The following TRERF1 variants were observed in gnomAD, a reference collection of about 807,000 sequenced individuals.
TRERF1 encodes transcriptional regulating factor 1.
Under a neutral mutation model 122.9 loss-of-function variants are expected in TRERF1, and 27 were observed. The ratio of observed to expected loss-of-function variants is 0.22; its 90% CI spans 0.16 to 0.30. The LOEUF is 0.30. Among genes scored for constraint, TRERF1 ranks in the 10% least tolerant of loss-of-function variants. The pLI, the probability that TRERF1 is intolerant of heterozygous loss-of-function variation, is 1.00. For missense variants in TRERF1, 1,248 were observed against 1,560.3 expected, an observed-to-expected ratio of 0.80 and a Z score of 3.37; for synonymous variants, 636 against 641.7, an observed-to-expected ratio of 0.99 and a Z score of 0.13.
At chr6:42,332,479 G>T (rs1337066962) in intron 3 of TRERF1, among the ~76,000 whole-genome samples, 1 of 152,232 alleles carries the variant, frequency 6.6e-6, no homozygotes, top group Non-Finnish European at 1.5e-5. Flanking sequence ...CCTCCCTGGG[G>T]TGCAAGCAAC....
At chr6:42,299,150 A>C (rs1272254670) in intron 4 of TRERF1, among the ~76,000 whole-genome samples, 1 of 133,156 alleles carries the variant, frequency 7.5e-6, no homozygotes, top group Non-Finnish European at 1.6e-5. Flanking sequence ...ATATATATAT[A>C]TCTAGCTAGC....
At chr6:42,273,923 C>A (rs755556918) in intron 4 of TRERF1, among the ~76,000 whole-genome samples, 1 of 152,222 alleles carries the variant, frequency 6.6e-6, no homozygotes, top group African/African-American at 2.4e-5. Context: ...GATAATTGAA[C>A]TTCTGTTGAC....
intron 3 of TRERF1, among the ~76,000 whole-genome samples, chr6:42,344,785 CAAAATG>C (rs1362708025): frequency 2.1e-4 from 32 of 152,182 alleles, no homozygotes; most frequent in Non-Finnish European, 3.8e-4. Context: ...ATGAAAACTG[CAAAATG>C]CACCCTACCC....
At chr6:42,320,367 A>G (rs76369636) in intron 3 of TRERF1, among the ~76,000 whole-genome samples, 7,590 of 152,188 alleles carry the variant, frequency 0.05, 295 homozygotes, top group East Asian at 0.19. Context: ...TCTTACATTG[A>G]CATAGGACAA....
At chr6:42,307,338 G>A (rs1787441459) in intron 3 of TRERF1, among the ~76,000 whole-genome samples, 2 of 152,058 alleles carry the variant, frequency 1.3e-5, no homozygotes, top group South Asian at 2.1e-4. Flanking sequence ...GGTTTATCAC[G>A]TTCATCCTAA....
chr6:42,265,852 G>A (rs1779063687), intron 5 of TRERF1, 55 bp from the exon 6 acceptor site: 2 of 1,581,372 alleles, frequency 1.3e-6, no homozygotes, highest in African/African-American at 2.7e-5. Context: ...AACGTGTTCT[G>A]AAGGGAGAAG....
intron 3 of TRERF1, among the ~76,000 whole-genome samples, chr6:42,352,859 A>T (rs1769728677): frequency 6.6e-6 from 1 of 152,236 alleles, no homozygotes; most frequent in African/African-American, 2.4e-5. Flanking sequence ...TCTCTTTATC[A>T]GATTTATACA....
intron 2 of TRERF1, among the ~76,000 whole-genome samples, chr6:42,403,846 G>A (rs1413656681): frequency 6.6e-6 from 1 of 152,112 alleles, no homozygotes; most frequent in Non-Finnish European, 1.5e-5. Context: ...GTCCTCCAGG[G>A]CTTCATTGTC....
chr6:42,290,518 T>C (rs1179883585), intron 4 of TRERF1, among the ~76,000 whole-genome samples: 1 of 152,142 alleles, frequency 6.6e-6, no homozygotes, highest in African/African-American at 2.4e-5. Context: ...CACACAAATC[T>C]CCTTCTGATC....
chr6:42,406,515 T>C (rs1780201313), intron 2 of TRERF1, among the ~76,000 whole-genome samples: 1 of 152,144 alleles, frequency 6.6e-6, no homozygotes, highest in South Asian at 2.1e-4. Flanking sequence ...CCCAGTTCCC[T>C]CAGCTCACAG....
intron 4 of TRERF1, among the ~76,000 whole-genome samples, chr6:42,273,458 C>T (rs891378365): frequency 2.6e-5 from 4 of 152,128 alleles, no homozygotes; most frequent in African/African-American, 9.7e-5. Context: ...GAAAAAGACA[C>T]TCAGTATAGA....
chr6:42,315,848 G>A (rs1172289335), intron 3 of TRERF1, among the ~76,000 whole-genome samples: 1 of 152,106 alleles, frequency 6.6e-6, no homozygotes, highest in Non-Finnish European at 1.5e-5. Context: ...GACATCACCA[G>A]CAGAAACACA....
chr6:42,353,271 T>C (rs751052126), intron 3 of TRERF1, among the ~76,000 whole-genome samples: 36 of 151,870 alleles, frequency 2.4e-4, no homozygotes, highest in Non-Finnish European at 1.2e-4. Context: ...CCAGAGTTGT[T>C]TGAATAGGAA....
At chr6:42,300,098 C>A (rs1357583530) in intron 4 of TRERF1, among the ~76,000 whole-genome samples, 1 of 152,182 alleles carries the variant, frequency 6.6e-6, no homozygotes, top group African/African-American at 2.4e-5. Context: ...GTGAGAGAGG[C>A]ATGTGGAAGA....
intron 15 of TRERF1, among the ~76,000 whole-genome samples, chr6:42,239,060 G>C (rs1054148282): frequency 2.0e-5 from 3 of 152,086 alleles, no homozygotes; most frequent in Non-Finnish European, 4.4e-5. Flanking sequence ...GTCCACAGGT[G>C]CATGTTTATC....
In TRERF1 at chr6:42,369,320, G is replaced by A. The variant is rs543133621; in HGVS notation, c.-453-6241C>T. Among the ~76,000 whole-genome samples the A allele has an allele frequency of 1.3e-4, 20 of 152,212 alleles. No homozygotes were observed. In the East Asian group the frequency reaches 3.9e-3, roughly 29 times the overall value. On this transcript the variant is annotated intron_variant, in intron 2 of 17. Coordinates refer to ENST00000372922, the Ensembl canonical transcript of TRERF1. ...CAAAAGTTAGCCAGCATGGTGGCAG[G>A]TGCCACCCAGCTACTCAGGAAGCTG...
intron 4 of TRERF1, among the ~76,000 whole-genome samples, chr6:42,285,749 A>G (rs979527156): frequency 3.3e-5 from 5 of 152,282 alleles, no homozygotes; most frequent in Non-Finnish European, 5.9e-5. Context: ...AATCATCCCC[A>G]TCAAGCTACC....
intron 3 of TRERF1, among the ~76,000 whole-genome samples, chr6:42,350,465 T>G (rs1769200746): frequency 6.6e-6 from 1 of 151,972 alleles, no homozygotes; most frequent in East Asian, 1.9e-4. Context: ...AAGCATGGAG[T>G]CATCAGATGC....
At chr6:42,446,891 G>C (rs1787617407) in intron 2 of TRERF1, among the ~76,000 whole-genome samples, 1 of 152,194 alleles carries the variant, frequency 6.6e-6, no homozygotes, top group Non-Finnish European at 1.5e-5. Flanking sequence ...TGTAATCCCA[G>C]CTACCTGGGA....
Sources: allele counts gnomAD v4.1 joint callset (sites outside exome capture counted in the v4.1 genomes callset), GRCh38; gene constraint gnomAD v4.1.1; transcripts MANE v1.5; gene names NCBI Gene and HGNC (gene_info 2026-07-23, HGNC 2026-07-21).